The following ZFYVE26 variants were observed in gnomAD, a reference collection of about 807,000 sequenced individuals.
ZFYVE26 encodes the protein zinc finger FYVE domain-containing protein 26.
A neutral mutation model predicts 276.5 loss-of-function variants in ZFYVE26; 181 were observed. That is an observed-to-expected ratio of 0.65 (90% confidence interval 0.58 to 0.74). The LOEUF is 0.74. Among genes scored for constraint, ZFYVE26 ranks in the 30% least tolerant of loss-of-function variants. The pLI is 0.00. For synonymous variants in ZFYVE26, 1,129 were observed against 1,203.1 expected, an observed-to-expected ratio of 0.94 and a Z score of 1.27; for missense variants, 2,821 against 3,097.9, an observed-to-expected ratio of 0.91 and a Z score of 2.12.
At position 67,748,173 on chromosome 14, in the gene ZFYVE26, T is replaced by TACTC; in HGVS notation, c.*259_*262dup. Reference sequence around the variant, plus strand: ...GAACATGCACACGTGTGTGCACACATACTCACTCACTCACTCTGAGGTAGA... The same window carrying TACTC: ...GAACATGCACACGTGTGTGCACACATACTCACTCACTCACTCACTCTGAGGTAGA... On this transcript the variant is annotated 3_prime_UTR_variant, in exon 42 of 42. Transcript: ENST00000347230. 1 of 549,512 alleles carries TACTC rather than the reference T, an allele frequency of 1.8e-6. No individual in the cohort carries two copies. The highest frequency in any genetic ancestry group is 1.9e-5 in the African/African-American group (1 of 53,058). 34.0% of individuals were successfully genotyped at this position (549,512 alleles called of 1,614,324 possible).
At chr14:67,757,216 A>T (rs1260229668) in intron 35 of ZFYVE26, among the ~76,000 whole-genome samples, 1 of 152,180 alleles carries the variant, frequency 6.6e-6, no homozygotes, top group Admixed American at 6.5e-5. Flanking sequence ...TTGTCAGTCT[A>T]ACGCCCACAA....
intron 26 of ZFYVE26, 29 bp from the exon 27 acceptor site, chr14:67,775,143 A>T (rs2039309044): frequency 6.6e-7 from 1 of 1,504,814 alleles, no homozygotes; most frequent in Non-Finnish European, 9.2e-7. Flanking sequence ...CTGACAAAAT[A>T]TGGTTCTACC....
chr14:67,751,128 G>C (rs766285217), intron 40 of ZFYVE26, 32 bp from the exon 41 acceptor site: 2 of 1,614,002 alleles, frequency 1.2e-6, no homozygotes, highest in Non-Finnish European at 1.7e-6. Flanking sequence ...CTGTGAGAGG[G>C]AGAAGAGTCC....
At chr14:67,799,186 C>G (rs2040029150) in intron 10 of ZFYVE26, 1 of 1,598,844 alleles carries the variant, frequency 6.3e-7, no homozygotes, top group Non-Finnish European at 8.6e-7. Flanking sequence ...AAAAGACATA[C>G]AAAGGTTCAG....
intron 19 of ZFYVE26, among the ~76,000 whole-genome samples, chr14:67,784,835 G>A (rs1302609943): frequency 7.2e-5 from 11 of 152,152 alleles, no homozygotes; most frequent in Non-Finnish European, 1.3e-4. Context: ...TTTTTGAGTC[G>A]CTAATTCCAA....
chr14:67,740,873 C>T (rs1018683797), intron 13 of ZFYVE26, among the ~76,000 whole-genome samples: 4 of 151,722 alleles, frequency 2.6e-5, no homozygotes, highest in Admixed American at 6.6e-5. Context: ...CACACCACTG[C>T]ACTCCAGCTT....
At chr14:67,800,844 T>C (rs564063138) in intron 10 of ZFYVE26, among the ~76,000 whole-genome samples, 55 of 152,118 alleles carry the variant, frequency 3.6e-4, no homozygotes, top group Admixed American at 5.9e-4. Context: ...GTATTAAAAA[T>C]ATAATTTAAT....
intron 3 of ZFYVE26, among the ~76,000 whole-genome samples, chr14:67,812,637 A>G (rs1185004568): frequency 6.6e-6 from 1 of 152,216 alleles, no homozygotes; most frequent in Non-Finnish European, 1.5e-5. Flanking sequence ...CAAATAATCT[A>G]TTTGTGAACC....
chr14:67,807,701 C>G lies in ZFYVE26; in HGVS notation c.583G>C (p.Asp195His). 6.2e-7 allele frequency: 1 copy of G among 1,614,190 alleles called. No individual in the cohort carries two copies. Among genetic ancestry groups the G allele is most frequent in the Non-Finnish European group, 8.5e-7 (1 of 1,180,036 alleles). The change falls in exon 5 of 42, where the codon GAC becomes CAC. Residue 195 changes from aspartate to histidine, a missense_variant. Coordinates refer to ENST00000347230, the MANE Select transcript of ZFYVE26 (RefSeq NM_015346.4). ...CHWPLQNALVDLIRKALRALQ... is the reference protein window; with the variant it reads ...CHWPLQNALVHLIRKALRALQ... ...GCCCGCAATGCCTTTCGAATGAGGT[C>G]CACCAGTGCATTCTGCAGAGGCCAG... is the stretch of plus-strand genomic sequence containing the variant.
intron 21 of ZFYVE26, 137 bp from the exon 22 acceptor site, chr14:67,781,666 C>G (rs1172053913): frequency 1.3e-6 from 1 of 782,350 alleles, no homozygotes; most frequent in South Asian, 1.6e-5. Context: ...TGGATGTGAT[C>G]TTAACTAGTT....
intron 35 of ZFYVE26, among the ~76,000 whole-genome samples, chr14:67,759,846 T>C (rs144200537): frequency 5.9e-5 from 9 of 152,286 alleles, no homozygotes; most frequent in East Asian, 3.9e-4. Context: ...AATCTATTTA[T>C]GTTTTAGAAA....
At chr14:67,780,957 A>G (rs1259045319) in intron 22 of ZFYVE26, among the ~76,000 whole-genome samples, 1 of 152,200 alleles carries the variant, frequency 6.6e-6, no homozygotes, top group Admixed American at 6.5e-5. Context: ...TCACCTTCAT[A>G]TATCTTTTCA....
intron 23 of ZFYVE26, 161 bp from the exon 24 acceptor site, chr14:67,778,409 C>G: frequency 1.2e-6 from 1 of 845,298 alleles, no homozygotes; most frequent in Non-Finnish European, 1.9e-6. Context: ...TCACTTTCCT[C>G]TTAGCACTAC....
At chr14:67,778,943 C>T (rs764838825) in intron 23 of ZFYVE26, among the ~76,000 whole-genome samples, 14 of 152,184 alleles carry the variant, frequency 9.2e-5, no homozygotes, top group Non-Finnish European at 1.8e-4. Flanking sequence ...TATTATGTTG[C>T]AGTCACCTAG....
chr14:67,793,514 CCT>C (rs1271076687), intron 14 of ZFYVE26, 92 bp downstream of exon 14: 19 of 1,437,310 alleles, frequency 1.3e-5, no homozygotes, highest in East Asian at 2.5e-5. Context: ...GATGTGGACC[CCT>C]GAGTGCTCCC....
At chr14:67,786,261 G>GTAAAAAAA in intron 16 of ZFYVE26, 28 bp from the exon 17 acceptor site, 3 of 516,332 alleles carry the variant, frequency 5.8e-6, no homozygotes, top group East Asian at 6.4e-5. Flanking sequence ...AAGAGGGAAT[G>GTAAAAAAA]CAAAAAAAAA....
rs756753701 is a variant in ZFYVE26 at position 67,752,513 on chromosome 14, T to A, written c.7202A>T (p.Asp2401Val). ...AGCTCTGCAGTAGGTCATGGCAGCA[T>A]CCAGCTGGAAGTCCTAGAACAGAAC... Reference protein sequence around the residue: ...AFRVLQDFQLDAAMTYCRAAR... With the variant: ...AFRVLQDFQLVAAMTYCRAAR... The change falls in exon 40 of 42, where the codon GAT (aspartate) becomes GTT (valine). Residue 2401 changes from aspartate to valine, a missense_variant. Asp to Val is a radical substitution (Grantham distance 152). Coordinates refer to ENST00000347230, the MANE Select transcript of ZFYVE26 (RefSeq NM_015346.4). 3.1e-6 allele frequency: 5 copies of A among 1,614,158 alleles called. No individual in the cohort carries two copies. In the East Asian group the frequency reaches 1.1e-4, roughly 36 times the overall value.
chr14:67,748,433 A>C lies in ZFYVE26; in HGVS notation c.*3T>G. The C allele has an allele frequency of 6.2e-7, 1 of 1,611,842 alleles. No individual in the cohort carries two copies. The highest frequency in any genetic ancestry group is 1.3e-5 in the African/African-American group (1 of 74,986). On this transcript the variant is annotated 3_prime_UTR_variant, in exon 42 of 42. Coordinates refer to ENST00000347230, the MANE Select transcript of ZFYVE26 (RefSeq NM_015346.4). Reference sequence around the variant, plus strand: ...CACGTGTTCCTGGCCCCACTGCCCAAGGTCACTTCCTGGAGCCTGGGCCAT... The same window carrying C: ...CACGTGTTCCTGGCCCCACTGCCCACGGTCACTTCCTGGAGCCTGGGCCAT...
rs1411510586 is a variant in ZFYVE26, at chr14:67,778,165, G to C, written c.4758C>G (p.Leu1586=). ...HLISLHQKHL[L]HLLERRDHDK... ...CATGATCTCTTCTTTCTAGAAGGTG[G>C]AGAAGATGCTTTTGATGAAGGCTGA... The change falls in exon 24 of 42, where the codon CTC becomes CTG. Residue 1586 remains leucine (L), a synonymous_variant. Coordinates refer to ENST00000347230, the MANE Select transcript of ZFYVE26 (RefSeq NM_015346.4). The C allele has an allele frequency of 1.9e-6, 3 of 1,614,222 alleles. No homozygotes were observed. Among genetic ancestry groups the C allele is most frequent in the Non-Finnish European group, 2.5e-6 (3 of 1,180,028 alleles).
Sources: allele counts gnomAD v4.1 joint callset (sites outside exome capture counted in the v4.1 genomes callset), GRCh38; gene constraint gnomAD v4.1.1; transcripts MANE v1.5; gene names NCBI Gene and HGNC (gene_info 2026-07-23, HGNC 2026-07-21).